The following PPP2R2B variants were observed in gnomAD, a reference collection of about 807,000 sequenced individuals.
The protein encoded by PPP2R2B is serine/threonine-protein phosphatase 2A 55 kDa regulatory subunit B beta isoform.
PPP2R2B carries 5 observed loss-of-function variants against 46.0 expected under a neutral mutation model. That is an observed-to-expected ratio of 0.11 (90% CI 0.06 to 0.23). The LOEUF (loss-of-function observed/expected upper bound fraction) is 0.23. PPP2R2B is among the 10% of genes least tolerant of loss of function. PPP2R2B has a pLI of 1.00. For synonymous variants in PPP2R2B, 215 were observed against 206.7 expected, an observed-to-expected ratio of 1.04 and a Z score of -0.34; for missense variants, 367 against 575.0, an observed-to-expected ratio of 0.64 and a Z score of 3.70.
At chr5:146,793,638 G>C (rs1756349609) in intron 2 of PPP2R2B, among the ~76,000 whole-genome samples, 1 of 152,162 alleles carries the variant, frequency 6.6e-6, no homozygotes, top group South Asian at 2.1e-4. Flanking sequence ...ATAAATAGCT[G>C]AGCTGGGACT....
chr5:146,854,773 G>T (rs760546594), intron 2 of PPP2R2B, among the ~76,000 whole-genome samples: 2 of 152,112 alleles, frequency 1.3e-5, no homozygotes, highest in Non-Finnish European at 2.9e-5. Flanking sequence ...TTGGAGAAGG[G>T]CACTGTCTTT....
At chr5:146,707,316 G>T (rs756853329) in intron 2 of PPP2R2B, 1 of 1,163,418 alleles carries the variant, frequency 8.6e-7, no homozygotes, top group Non-Finnish European at 1.3e-6. Context: ...CAAACTTGTT[G>T]TTGAAGGTCT....
chr5:146,779,406 C>T (rs1467472008), intron 2 of PPP2R2B, among the ~76,000 whole-genome samples: 3 of 152,048 alleles, frequency 2.0e-5, no homozygotes, highest in East Asian at 1.9e-4. Flanking sequence ...GTGAGGCGTG[C>T]GATTGGCATT....
intron 2 of PPP2R2B, among the ~76,000 whole-genome samples, chr5:146,793,495 A>G (rs186796346): frequency 6.6e-6 from 1 of 152,342 alleles, no homozygotes; most frequent in East Asian, 1.9e-4. Flanking sequence ...TAAGTCACTT[A>G]TTTAATCCCT....
chr5:147,024,964 A>G (rs1215442372), intron 1 of PPP2R2B, among the ~76,000 whole-genome samples: 2 of 152,090 alleles, frequency 1.3e-5, no homozygotes, highest in Admixed American at 1.3e-4. Flanking sequence ...AATAAAGATA[A>G]GAGCCAGAAT....
exon 1 of PPP2R2B, chr5:147,055,969 C>G: frequency 7.3e-7 from 1 of 1,371,636 alleles, no homozygotes; most frequent in Admixed American, 3.0e-5. Flanking sequence ...CTCAGAAGCC[C>G]CCAAGCAAGC....
chr5:146,904,294 T>C (rs189704330), intron 1 of PPP2R2B, among the ~76,000 whole-genome samples: 5 of 152,268 alleles, frequency 3.3e-5, no homozygotes, highest in African/African-American at 9.6e-5. Flanking sequence ...GTCAGTATTC[T>C]GGGGAAGAAA....
intron 1 of PPP2R2B, among the ~76,000 whole-genome samples, chr5:146,885,971 T>TA (rs370615054): frequency 1.6e-4 from 23 of 142,744 alleles, no homozygotes; most frequent in South Asian, 2.2e-4. Flanking sequence ...GGACTGAGGA[T>TA]AAAAAAAAAA....
At chr5:146,796,630 T>C (rs1343871981) in intron 2 of PPP2R2B, among the ~76,000 whole-genome samples, 1 of 152,174 alleles carries the variant, frequency 6.6e-6, no homozygotes, top group Non-Finnish European at 1.5e-5. Flanking sequence ...TAATTGATGA[T>C]TAATAAGGAT....
chr5:146,777,472 A>G (rs1755256309), intron 2 of PPP2R2B, among the ~76,000 whole-genome samples: 1 of 152,170 alleles, frequency 6.6e-6, no homozygotes, highest in Non-Finnish European at 1.5e-5. Context: ...ACGGAAAGGG[A>G]GAAATGAGAA....
chr5:147,074,833 G>A (rs924368951), intron 2 of PPP2R2B, among the ~76,000 whole-genome samples: 5 of 152,108 alleles, frequency 3.3e-5, no homozygotes, highest in Admixed American at 1.3e-4. Flanking sequence ...AAGCAGAATC[G>A]ATAGAGTACC....
At position 146,581,646 on chromosome 5, in the gene PPP2R2B, C is replaced by T. The variant is rs6890367; in HGVS notation, c.*8301G>A. The T allele has an allele frequency of 4.5e-4, 68 of 152,286 alleles. No homozygotes were observed. Among genetic ancestry groups the T allele is most frequent in the African/African-American group, 1.3e-3 (56 of 41,572 alleles). 9.4% of individuals were successfully genotyped at this position (152,286 alleles called of 1,614,324 possible). Reference sequence around the variant, plus strand: ...CCATTGACCACCTTCTGCCTTTTTCCTGTTAGAGTCCAGCATAGACTGAAA... The same window carrying T: ...CCATTGACCACCTTCTGCCTTTTTCTTGTTAGAGTCCAGCATAGACTGAAA... On this transcript the variant is annotated 3_prime_UTR_variant, in exon 10 of 10. Coordinates refer to ENST00000394411, the MANE Select transcript of PPP2R2B (RefSeq NM_181675.4).
intron 1 of PPP2R2B, among the ~76,000 whole-genome samples, chr5:146,953,987 T>C (rs376835638): frequency 4.0e-4 from 61 of 152,290 alleles, no homozygotes; most frequent in South Asian, 3.9e-3. Context: ...TAAATTGGGA[T>C]ATGAATATCT....
chr5:146,898,042 G>A (rs1000493151), intron 1 of PPP2R2B, among the ~76,000 whole-genome samples: 9 of 152,058 alleles, frequency 5.9e-5, no homozygotes, highest in South Asian at 2.1e-4. Flanking sequence ...AAAATTAGCC[G>A]GGTGTGGTGG....
intron 2 of PPP2R2B, among the ~76,000 whole-genome samples, chr5:147,077,118 T>C (rs1757794358): frequency 7.5e-6 from 1 of 132,514 alleles, no homozygotes; most frequent in Admixed American, 7.2e-5. Context: ...ATATGTAATA[T>C]TGTATATTGT....
intron 5 of PPP2R2B, among the ~76,000 whole-genome samples, chr5:146,655,535 G>A (rs1403843118): frequency 6.6e-6 from 1 of 152,160 alleles, no homozygotes; most frequent in African/African-American, 2.4e-5. Flanking sequence ...GCTATCCTAT[G>A]ATTAACTTGG....
At chr5:146,624,818 C>T (rs1220681876) in intron 7 of PPP2R2B, among the ~76,000 whole-genome samples, 1 of 152,194 alleles carries the variant, frequency 6.6e-6, no homozygotes, top group Non-Finnish European at 1.5e-5. Flanking sequence ...CCTGCCTCCT[C>T]TCATGCTATT....
At chr5:146,734,133 C>T (rs1658249977) in intron 2 of PPP2R2B, among the ~76,000 whole-genome samples, 1 of 151,550 alleles carries the variant, frequency 6.6e-6, no homozygotes, top group African/African-American at 2.4e-5. Flanking sequence ...CAGCTCACTG[C>T]AGCCTTAACT....
chr5:146,935,024 G>A (rs1352491830), intron 1 of PPP2R2B, among the ~76,000 whole-genome samples: 1 of 152,178 alleles, frequency 6.6e-6, no homozygotes, highest in Non-Finnish European at 1.5e-5. Flanking sequence ...CTACAATTAT[G>A]TATTGAACTT....
Sources: allele counts gnomAD v4.1 joint callset (sites outside exome capture counted in the v4.1 genomes callset), GRCh38; gene constraint gnomAD v4.1.1; transcripts MANE v1.5; gene names NCBI Gene and HGNC (gene_info 2026-07-23, HGNC 2026-07-21).